Variants in CACNA1C observed in about 807,000 individuals in gnomAD.
CACNA1C encodes calcium voltage-gated channel subunit alpha1 C.
A neutral mutation model predicts 229.0 loss-of-function variants in CACNA1C; 30 were observed. The ratio of observed to expected loss-of-function variants is 0.13; its 90% CI spans 0.10 to 0.18. The LOEUF (loss-of-function observed/expected upper bound fraction) is 0.18, where lower values mean the gene tolerates loss of function less well. Ranked by LOEUF, CACNA1C falls within the 10% of genes least tolerant of loss-of-function variation. CACNA1C has a pLI of 1.00. For synonymous variants in CACNA1C, 1,114 were observed against 1,132.5 expected (o/e 0.98, Z 0.33); for missense variants, 1,658 against 2,845.0 (o/e 0.58, Z 9.49).
Position 2,509,838 on chromosome 12 carries a change from TAG to T in CACNA1C, c.1218-2971_1218-2970del, listed in dbSNP as rs1044289740. ...CTTGTTTGGCCTCAGCGGGAACATGTAGAGTTTTTGTCATCTGCACATGTCCA... is the reference window on the plus strand; with the variant it reads ...CTTGTTTGGCCTCAGCGGGAACATGTAGTTTTTGTCATCTGCACATGTCCA... On this transcript the variant is annotated intron_variant, in intron 8 of 46. Transcript: ENST00000399655. Among the ~76,000 whole-genome samples the T allele has an allele frequency of 3.3e-4, 51 of 152,326 alleles. 1 individual carries two copies. Among genetic ancestry groups the T allele is most frequent in the Admixed American group, 1.3e-4 (2 of 15,300 alleles).
At chr12:2,342,159 C>T (rs1016197984) in intron 3 of CACNA1C, among the ~76,000 whole-genome samples, 11 of 152,174 alleles carry the variant, frequency 7.2e-5, no homozygotes, top group African/African-American at 1.9e-4. Context: ...CTCCCTTGAG[C>T]GGTGTCACCC....
At chr12:2,221,379 G>A (rs2061432609) in intron 3 of CACNA1C, among the ~76,000 whole-genome samples, 1 of 152,282 alleles carries the variant, frequency 6.6e-6, no homozygotes, top group African/African-American at 2.4e-5. Flanking sequence ...AATAGAGGCT[G>A]GGACCAGGTG....
intron 3 of CACNA1C, among the ~76,000 whole-genome samples, chr12:2,310,158 C>T (rs1050853978): frequency 6.6e-6 from 1 of 151,998 alleles, no homozygotes; most frequent in East Asian, 1.9e-4. Flanking sequence ...CTTTAACAAC[C>T]CCATCAGATA....
intron 3 of CACNA1C, among the ~76,000 whole-genome samples, chr12:2,174,965 G>T (rs966141077): frequency 1.3e-5 from 2 of 151,290 alleles, no homozygotes; most frequent in Admixed American, 1.3e-4. Context: ...GTAGGAAGAG[G>T]AGGAGGAGGA....
chr12:2,584,097 A>AC (rs1324482487), intron 15 of CACNA1C, among the ~76,000 whole-genome samples: 4 of 152,030 alleles, frequency 2.6e-5, no homozygotes, highest in Admixed American at 2.6e-4. Flanking sequence ...ATACCAAGCC[A>AC]CCCCCTCAGC....
At chr12:2,325,409 C>A (rs1431860084) in intron 3 of CACNA1C, among the ~76,000 whole-genome samples, 1 of 152,238 alleles carries the variant, frequency 6.6e-6, no homozygotes, top group Non-Finnish European at 1.5e-5. Flanking sequence ...ACTCCTGGAA[C>A]CAATCCTAAG....
chr12:2,568,574 A>G (rs2052562151), intron 13 of CACNA1C, among the ~76,000 whole-genome samples: 1 of 152,270 alleles, frequency 6.6e-6, no homozygotes, highest in Non-Finnish European at 1.5e-5. Context: ...ACAGTTCAAT[A>G]TTATTCAGTC....
Position 2,280,273 on chromosome 12 carries a change from C to T in CACNA1C, c.477+159843C>T, listed in dbSNP as rs1355212542. Among the ~76,000 whole-genome samples the T allele has an allele frequency of 6.5e-4, 47 of 72,032 alleles. 1 individual carries two copies. Among genetic ancestry groups the T allele is most frequent in the African/African-American group, 1.8e-3 (17 of 9,462 alleles). 47.3% of individuals were successfully genotyped at this position (72,032 alleles called of 152,430 possible). A position where few individuals can be genotyped will look rare whatever the true frequency, so the allele number is the denominator to read the frequency against. On this transcript the variant is annotated intron_variant, in intron 3 of 46. Coordinates refer to ENST00000399655, the MANE Select transcript of CACNA1C (RefSeq NM_000719.7). Reference sequence around the variant, plus strand: ...GTGCTTCGGTTTAACCTCTTGATACCTTGCTGTGCTTCGGTTTAACCTCTT... The same window carrying T: ...GTGCTTCGGTTTAACCTCTTGATACTTTGCTGTGCTTCGGTTTAACCTCTT...
chr12:2,270,377 G>A (rs2084352977), intron 3 of CACNA1C, among the ~76,000 whole-genome samples: 1 of 152,124 alleles, frequency 6.6e-6, no homozygotes, highest in Non-Finnish European at 1.5e-5. Context: ...TCTTTTATGA[G>A]CAGTTGTCTT....
At chr12:2,516,490 G>C (rs2099797124) in intron 9 of CACNA1C, among the ~76,000 whole-genome samples, 1 of 152,224 alleles carries the variant, frequency 6.6e-6, no homozygotes, top group Non-Finnish European at 1.5e-5. Flanking sequence ...AGGTGGGCCA[G>C]GGAGAGGCAG....
In CACNA1C at chr12:2,677,749, T is replaced by G. The variant is rs2096898374; in HGVS notation, c.4973T>G (p.Leu1658Arg). The change falls in exon 41 of 47, where the codon CTG becomes CGG. Residue 1658 changes from leucine (L) to arginine (R), a missense_variant. Leu to Arg is a moderately radical substitution (Grantham distance 102). Transcript: ENST00000399655. This position sits in a 1 kb window ranked among gnomAD's most constrained non-coding sequence, Gnocchi z 7.4. ...GGATTCCAGGCTGGCTTGCGCACAC[T>G]GCATGACATCGGGCCTGAGATCCGA... The part of the protein sequence containing the change: ...ALSLQAGLRT[L>R]HDIGPEIRRA... 1 of 1,613,556 alleles carries G rather than the reference T, an allele frequency of 6.2e-7. No homozygotes were observed. Among genetic ancestry groups the G allele is most frequent in the Non-Finnish European group, 8.5e-7 (1 of 1,179,794 alleles).
chr12:2,604,184 GGGGTTCT>G (rs1356197345), intron 22 of CACNA1C, among the ~76,000 whole-genome samples: 3 of 152,200 alleles, frequency 2.0e-5, no homozygotes, highest in Admixed American at 6.5e-5. Context: ...TTGAGGAAAC[GGGGTTCT>G]GGGTTCTGGT....
chr12:2,621,043 C>T (rs1412715608), intron 29 of CACNA1C, among the ~76,000 whole-genome samples: 1 of 152,162 alleles, frequency 6.6e-6, no homozygotes, highest in Non-Finnish European at 1.5e-5. Context: ...TGTTGGAAAT[C>T]CTTCTTTATA....
chr12:2,230,464 GAC>G (rs1275137176), intron 3 of CACNA1C, among the ~76,000 whole-genome samples: 4 of 152,252 alleles, frequency 2.6e-5, no homozygotes, highest in Admixed American at 2.0e-4. Flanking sequence ...CTCAGGAAGA[GAC>G]TGAGAACTTA....
chr12:2,129,742 C>T (rs1596629124), intron 3 of CACNA1C, among the ~76,000 whole-genome samples: 1 of 152,192 alleles, frequency 6.6e-6, no homozygotes, highest in Non-Finnish European at 1.5e-5. Flanking sequence ...GCAACCCGCA[C>T]AGGGTCCCGG....
intron 3 of CACNA1C, among the ~76,000 whole-genome samples, chr12:2,435,761 A>G (rs780357067): frequency 6.6e-6 from 1 of 152,220 alleles, no homozygotes; most frequent in Non-Finnish European, 1.5e-5. Flanking sequence ...AGTGCCCGGC[A>G]CTATACAATG....
intron 3 of CACNA1C, among the ~76,000 whole-genome samples, chr12:2,312,181 C>T (rs531716503): frequency 3.8e-4 from 58 of 152,214 alleles, no homozygotes; most frequent in South Asian, 6.2e-4. Context: ...AGAGGGGTGA[C>T]TCTTTTGGCA....
intron 29 of CACNA1C, chr12:2,613,651 C>T (rs2078992424): frequency 1.3e-5 from 2 of 152,246 alleles, no homozygotes; most frequent in African/African-American, 4.8e-5. Flanking sequence ...CTGTACAAGT[C>T]CCATTTAGGA....
intron 7 of CACNA1C, among the ~76,000 whole-genome samples, chr12:2,501,555 C>T (rs1315927754): frequency 2.6e-5 from 4 of 152,252 alleles, no homozygotes; most frequent in Non-Finnish European, 5.9e-5. Flanking sequence ...CGGTTCCCAT[C>T]GTCAAATGGG....
Sources: allele counts gnomAD v4.1 joint callset (sites outside exome capture counted in the v4.1 genomes callset), GRCh38; gene constraint gnomAD v4.1.1; non-coding constraint Gnocchi (gnomAD v3.1); transcripts MANE v1.5; gene names NCBI Gene and HGNC (gene_info 2026-07-23, HGNC 2026-07-21).